The following ERP44 variants were observed in gnomAD, a reference collection of about 807,000 sequenced individuals.
ERP44 encodes the protein endoplasmic reticulum resident protein 44.
Under a neutral mutation model 53.4 loss-of-function variants are expected in ERP44, and 25 were observed. The ratio of observed to expected loss-of-function variants is 0.47; its 90% confidence interval spans 0.34 to 0.65. ERP44 has a LOEUF of 0.65. ERP44 is among the 30% of genes least tolerant of loss of function. ERP44 has a pLI of 0.01. For missense variants in ERP44, 338 were observed against 493.2 expected, an observed-to-expected ratio of 0.69 and a Z score of 2.98; for synonymous variants, 145 against 161.2, an observed-to-expected ratio of 0.90 and a Z score of 0.76.
chr9:100,035,637 T>C (rs1825841803), intron 4 of ERP44, among the ~76,000 whole-genome samples: 2 of 152,050 alleles, frequency 1.3e-5, no homozygotes, highest in African/African-American at 4.8e-5. Context: ...ATTGTGCCAT[T>C]GCACTCCAGC....
chr9:100,014,509 G>C (rs147211818), intron 8 of ERP44, among the ~76,000 whole-genome samples: 25 of 152,156 alleles, frequency 1.6e-4, no homozygotes, highest in African/African-American at 6.0e-4. Flanking sequence ...GGCTGGTCTC[G>C]AACTCCCGAC....
Position 100,006,638 on chromosome 9 carries a change from T to C in ERP44, c.884A>G (p.Asn295Ser). The change falls in exon 10 of 12, where the codon AAC becomes AGC. Residue 295 changes from asparagine to serine, a missense_variant. Physicochemically the swap from Asn to Ser is conservative, Grantham distance 46. This residue lies in a region of ERP44 where 113 missense variants were observed against 172.6 expected (regional missense o/e 0.65). Coordinates refer to ENST00000262455, the MANE Select transcript of ERP44 (RefSeq NM_015051.3). The part of the protein sequence containing the change: ...RQLISEKGTI[N>S]FLHADCDKFR... ...TTTGTCACAATCGGCATGTAAAAAGTTTATTGTACCTTTAAGAAAAAAGAA... is the reference window on the plus strand; with the variant it reads ...TTTGTCACAATCGGCATGTAAAAAGCTTATTGTACCTTTAAGAAAAAAGAA... The C allele has an allele frequency of 1.3e-6, 2 of 1,581,662 alleles. No homozygotes were observed. Among genetic ancestry groups the C allele is most frequent in the Non-Finnish European group, 1.7e-6 (2 of 1,169,442 alleles).
chr9:100,088,021 T>C (rs565949771), intron 1 of ERP44, among the ~76,000 whole-genome samples: 12 of 137,274 alleles, frequency 8.7e-5, no homozygotes, highest in African/African-American at 3.2e-4. Context: ...TTTTTCACAC[T>C]GCAAGTTGGG....
intron 1 of ERP44, among the ~76,000 whole-genome samples, chr9:100,072,727 G>A (rs185536163): frequency 1.6e-4 from 25 of 152,192 alleles, no homozygotes; most frequent in Non-Finnish European, 2.9e-4. Context: ...TCACCATGTT[G>A]GCCAGGCTGG....
intron 1 of ERP44, among the ~76,000 whole-genome samples, chr9:100,083,201 T>C (rs1370808371): frequency 6.6e-6 from 1 of 151,902 alleles, no homozygotes; most frequent in Non-Finnish European, 1.5e-5. Context: ...ATGATGAACA[T>C]ATAATGCTAT....
chr9:100,034,007 T>A (rs1361314673), intron 4 of ERP44, among the ~76,000 whole-genome samples: 1 of 152,160 alleles, frequency 6.6e-6, no homozygotes, highest in Non-Finnish European at 1.5e-5. Flanking sequence ...CAGAGGCCAC[T>A]CAACCAGGTC....
chr9:99,993,551 T>C (rs1177904422), intron 10 of ERP44, among the ~76,000 whole-genome samples: 21 of 152,102 alleles, frequency 1.4e-4, no homozygotes, highest in Non-Finnish European at 2.9e-4. Flanking sequence ...CCTAAAACCA[T>C]AAAAACCCTA....
chr9:99,985,281 T>C (rs1208436827), intron 10 of ERP44, among the ~76,000 whole-genome samples: 3 of 152,338 alleles, frequency 2.0e-5, no homozygotes, highest in Non-Finnish European at 2.9e-5. Context: ...ACTTGTTTCA[T>C]AGAAAAATTT....
At chr9:100,045,393 G>A (rs537698033) in intron 4 of ERP44, among the ~76,000 whole-genome samples, 1 of 152,314 alleles carries the variant, frequency 6.6e-6, no homozygotes, top group South Asian at 2.1e-4. Context: ...CTTTCTGGGT[G>A]TGTTTGGTTC....
chr9:100,054,019 C>G (rs1297240141), intron 3 of ERP44, among the ~76,000 whole-genome samples: 1 of 152,078 alleles, frequency 6.6e-6, no homozygotes, highest in Non-Finnish European at 1.5e-5. Flanking sequence ...ATATATATAT[C>G]TCTTCTAGCC....
chr9:100,098,517 G>A (rs1273803032), intron 1 of ERP44, among the ~76,000 whole-genome samples: 1 of 152,182 alleles, frequency 6.6e-6, no homozygotes, highest in Non-Finnish European at 1.5e-5. Flanking sequence ...CCCGGACTTC[G>A]GGGAGAAGGG....
At chr9:100,037,452 G>A (rs1825856948) in intron 4 of ERP44, among the ~76,000 whole-genome samples, 1 of 152,116 alleles carries the variant, frequency 6.6e-6, no homozygotes, top group Non-Finnish European at 1.5e-5. Flanking sequence ...GGGCTGAACT[G>A]GACTCAGAGC....
At chr9:100,042,921 C>T (rs988844579) in intron 4 of ERP44, among the ~76,000 whole-genome samples, 2 of 151,776 alleles carry the variant, frequency 1.3e-5, no homozygotes, top group Admixed American at 6.6e-5. Context: ...AAAGGGTAGT[C>T]GAGGGTCAGG....
chr9:99,984,084 A>T (rs1176449074), intron 11 of ERP44, among the ~76,000 whole-genome samples: 1 of 152,160 alleles, frequency 6.6e-6, no homozygotes, highest in Non-Finnish European at 1.5e-5. Context: ...CAAAAATCTG[A>T]CCTAATTTTT....
At chr9:100,066,266 C>T (rs1047353966) in intron 1 of ERP44, among the ~76,000 whole-genome samples, 1 of 152,176 alleles carries the variant, frequency 6.6e-6, no homozygotes, top group Non-Finnish European at 1.5e-5. Context: ...ATGCAAATTG[C>T]TGTGCTTTTA....
rs549266730 is a variant in ERP44 at position 100,020,375 on chromosome 9, T to C, written c.587+241A>G. Reference sequence around the variant, plus strand: ...TTGAATAAAAGCATGAATTAGTTAATTGTTAACTTGTCCATTTTTTCCCTC... The same window carrying C: ...TTGAATAAAAGCATGAATTAGTTAACTGTTAACTTGTCCATTTTTTCCCTC... On this transcript the variant is annotated intron_variant, in intron 6 of 11. Coordinates refer to ENST00000262455, the MANE Select transcript of ERP44 (RefSeq NM_015051.3). Among the ~76,000 whole-genome samples the C allele has an allele frequency of 5.2e-4, 79 of 152,332 alleles. 1 individual carries two copies. In the Middle Eastern group the frequency reaches 0.02, roughly 39 times the overall value.
At chr9:100,012,299 G>GC (rs1364724184) in intron 8 of ERP44, among the ~76,000 whole-genome samples, 1 of 152,160 alleles carries the variant, frequency 6.6e-6, no homozygotes. Context: ...AATAGAGCCT[G>GC]ATAAGTTTAT....
rs1270014936 is a variant in ERP44 at position 100,022,356 on chromosome 9, G to T, written c.287-130C>A. Reference sequence around the variant, plus strand: ...CAAGTCATTGTTTTTCAGTGAGAGAGAAAAAAATAATAATAATCAGGACTT... The same window carrying T: ...CAAGTCATTGTTTTTCAGTGAGAGATAAAAAAATAATAATAATCAGGACTT... On this transcript the variant is annotated intron_variant, in intron 4 of 11. Coordinates refer to ENST00000262455, the MANE Select transcript of ERP44 (RefSeq NM_015051.3). The T allele has an allele frequency of 1.3e-5, 8 of 605,178 alleles. No individual in the cohort carries two copies. In the African/African-American group the frequency reaches 1.5e-4, roughly 11 times the overall value. 37.5% of individuals were successfully genotyped at this position (605,178 alleles called of 1,614,324 possible). A position where few individuals can be genotyped will look rare whatever the true frequency, so the allele number is the denominator to read the frequency against.
Position 100,098,998 on chromosome 9 carries a change from C to A in ERP44, c.-158G>T. 3 of 610,716 alleles carry A rather than the reference C, an allele frequency of 4.9e-6. No homozygotes were observed. The highest frequency in any genetic ancestry group is 8.8e-6 in the Non-Finnish European group (3 of 341,306). The allele number at this position is 610,716 out of a possible 1,614,324, so 37.8% of individuals were successfully genotyped here. Reference sequence around the variant, plus strand: ...TCTCGACCCGGGCTCCAGCGGCGAACACCCGGGACAACTTCCAGAGAGGCC... The same window carrying A: ...TCTCGACCCGGGCTCCAGCGGCGAAAACCCGGGACAACTTCCAGAGAGGCC... On this transcript the variant is annotated 5_prime_UTR_variant, in exon 1 of 12. Transcript: ENST00000262455.
Sources: gnomAD v4.1 joint callset for allele counts (sites outside exome capture counted in the v4.1 genomes callset) on GRCh38, gnomAD v4.1.1 for gene constraint, gnomAD v4.1.1 regional missense constraint, MANE v1.5 for transcripts, NCBI Gene and HGNC (gene_info 2026-07-23, HGNC 2026-07-21) for gene names.